FBXW7: variants seen among roughly 807,000 people sequenced by gnomAD.
FBXW7 encodes F-box/WD repeat-containing protein 7.
FBXW7 carries 11 observed loss-of-function variants against 86.3 expected under a neutral mutation model. The ratio of observed to expected loss-of-function variants is 0.13; its 90% CI spans 0.08 to 0.21. FBXW7 has a LOEUF of 0.21. Ranked by LOEUF, FBXW7 falls within the 10% of genes least tolerant of loss-of-function variation. The pLI, the probability that FBXW7 is intolerant of heterozygous loss-of-function variation, is 1.00. For synonymous variants in FBXW7, 313 were observed against 297.9 expected (o/e 1.05, Z -0.52); for missense variants, 488 against 847.4 (o/e 0.58, Z 5.27).
intron 10 of FBXW7, 143 bp from the exon 11 acceptor site, chr4:152,328,532 A>T: frequency 2.0e-6 from 1 of 509,454 alleles, no homozygotes; most frequent in East Asian, 3.4e-5. Context: ...GTATAAAATG[A>T]TCCCATCACT....
At chr4:152,395,879 C>A (rs1043532126) in intron 4 of FBXW7, among the ~76,000 whole-genome samples, 1 of 151,984 alleles carries the variant, frequency 6.6e-6, no homozygotes, top group African/African-American at 2.4e-5. Context: ...GTCAAACCAA[C>A]CCACGGAAGT....
intron 2 of FBXW7, among the ~76,000 whole-genome samples, chr4:152,500,009 C>A (rs1379828396): frequency 6.6e-6 from 1 of 152,088 alleles, no homozygotes; most frequent in East Asian, 1.9e-4. Context: ...GGCCACACCC[C>A]CTGAAGTAAA....
At chr4:152,522,043 C>T (rs1749069528) in intron 2 of FBXW7, among the ~76,000 whole-genome samples, 1 of 151,774 alleles carries the variant, frequency 6.6e-6, no homozygotes, top group African/African-American at 2.4e-5. Flanking sequence ...AAAGTGTACA[C>T]AGAAAAACAA....
In FBXW7 at chr4:152,530,072, C is replaced by T. The variant is rs5019288; in HGVS notation, c.-120+4869G>A. On this transcript the variant is annotated intron_variant, in intron 2 of 13. Transcript: ENST00000281708. ...CCCCGTCACAAAAAAAAAAAAAATACACACACACACACACACACACACACA... is the reference window on the plus strand; with the variant it reads ...CCCCGTCACAAAAAAAAAAAAAATATACACACACACACACACACACACACA... Among the ~76,000 whole-genome samples the T allele has an allele frequency of 1.3e-3, 88 of 65,890 alleles. No homozygotes were observed. The East Asian group carries it at 0.033, about 25-fold the overall frequency. The allele number at this position is 65,890 out of a possible 152,430, so 43.2% of individuals were successfully genotyped here.
chr4:152,404,393 C>A (rs1403748278), intron 4 of FBXW7, among the ~76,000 whole-genome samples: 1 of 152,118 alleles, frequency 6.6e-6, no homozygotes, highest in African/African-American at 2.4e-5. Context: ...TTTTATTCAA[C>A]CACATTCAGA....
At chr4:152,524,043 T>A (rs1283066390) in intron 2 of FBXW7, among the ~76,000 whole-genome samples, 2 of 152,168 alleles carry the variant, frequency 1.3e-5, no homozygotes, top group Non-Finnish European at 2.9e-5. Context: ...TAACAATAAC[T>A]TAATACTATA....
chr4:152,364,053 C>T (rs978395869), intron 4 of FBXW7, among the ~76,000 whole-genome samples: 6 of 152,118 alleles, frequency 3.9e-5, no homozygotes, highest in Admixed American at 6.6e-5. Context: ...AAAGAAGAGA[C>T]GGACTATGCA....
Position 152,535,294 on chromosome 4 carries a change from T to G in FBXW7, c.-380A>C. 3.5e-6 allele frequency: 1 copy of G among 282,062 alleles called. No homozygotes were observed. The highest frequency in any genetic ancestry group is 5.6e-5 in the East Asian group (1 of 17,804). The allele number at this position is 282,062 out of a possible 1,614,324, so 17.5% of individuals were successfully genotyped here. A position where few individuals can be genotyped will look rare whatever the true frequency, so the allele number is the denominator to read the frequency against. On this transcript the variant is annotated 5_prime_UTR_variant, in exon 1 of 14. Transcript: ENST00000281708. ...CGGGTCCCCCCCGGCCCCGCCGCCC[T>G]CGGGACTGGGGCGGGGGAGGGGGGC...
At chr4:152,512,557 T>C (rs553345678) in intron 2 of FBXW7, among the ~76,000 whole-genome samples, 264 of 152,286 alleles carry the variant, frequency 1.7e-3, no homozygotes, top group Non-Finnish European at 2.8e-3. Context: ...TATTCAGTCC[T>C]AAAAAGAATG....
chr4:152,522,381 A>G (rs1409731021), intron 2 of FBXW7, among the ~76,000 whole-genome samples: 2 of 152,222 alleles, frequency 1.3e-5, no homozygotes, highest in Non-Finnish European at 2.9e-5. Flanking sequence ...GAAACCTACT[A>G]ACCTTCTTAC....
chr4:152,333,480 G>GA (rs887724978), intron 7 of FBXW7, among the ~76,000 whole-genome samples: 2 of 147,080 alleles, frequency 1.4e-5, no homozygotes, highest in South Asian at 2.1e-4. Flanking sequence ...AAAATAAAGA[G>GA]AAAAAAAAAG....
intron 4 of FBXW7, among the ~76,000 whole-genome samples, chr4:152,364,563 T>C (rs370777463): frequency 1.3e-5 from 2 of 152,204 alleles, no homozygotes; most frequent in Admixed American, 6.6e-5. Context: ...AAAATTTTTT[T>C]AGTACACAGC....
chr4:152,434,958 T>TCCC (rs11321808), intron 2 of FBXW7, among the ~76,000 whole-genome samples: 14 of 129,320 alleles, frequency 1.1e-4, no homozygotes, highest in African/African-American at 3.2e-4. Flanking sequence ...TTCCCCCCGC[T>TCCC]CCCCCCCCCC....
chr4:152,403,690 C>T (rs1390931939), intron 4 of FBXW7, among the ~76,000 whole-genome samples: 3 of 151,988 alleles, frequency 2.0e-5, no homozygotes, highest in Admixed American at 6.6e-5. Context: ...CAATAGGGTT[C>T]GTGCTCCTAT....
intron 2 of FBXW7, among the ~76,000 whole-genome samples, chr4:152,531,870 T>TA (rs199583288): frequency 1.1e-3 from 159 of 143,864 alleles, no homozygotes; most frequent in Admixed American, 1.4e-3. Flanking sequence ...ATACCCTATT[T>TA]AAAAAAAAAA....
intron 2 of FBXW7, among the ~76,000 whole-genome samples, chr4:152,418,568 T>C (rs1210850785): frequency 6.6e-6 from 1 of 152,078 alleles, no homozygotes; most frequent in Non-Finnish European, 1.5e-5. Flanking sequence ...AAAGGGATCC[T>C]GTTTCTGAAT....
chr4:152,526,623 ACTT>A (rs1158947747), intron 2 of FBXW7, among the ~76,000 whole-genome samples: 2 of 152,212 alleles, frequency 1.3e-5, no homozygotes, highest in African/African-American at 4.8e-5. Flanking sequence ...TTTCCGTTCA[ACTT>A]CTTAATGATT....
At chr4:152,461,110 C>A (rs1375006831) in intron 2 of FBXW7, among the ~76,000 whole-genome samples, 1 of 152,072 alleles carries the variant, frequency 6.6e-6, no homozygotes, top group African/African-American at 2.4e-5. Flanking sequence ...CATGGTGAGA[C>A]CCTGTCTCTA....
At chr4:152,510,396 A>C (rs1490499839) in intron 2 of FBXW7, among the ~76,000 whole-genome samples, 1 of 152,128 alleles carries the variant, frequency 6.6e-6, no homozygotes, top group African/African-American at 2.4e-5. Flanking sequence ...AAAAATGTAT[A>C]CTCCCAACAA....
Sources: gnomAD v4.1 joint callset for allele counts (sites outside exome capture counted in the v4.1 genomes callset) on GRCh38, gnomAD v4.1.1 for gene constraint, MANE v1.5 for transcripts, NCBI Gene and HGNC (gene_info 2026-07-23, HGNC 2026-07-21) for gene names.